PIK3R6: variants seen among roughly 807,000 people sequenced by gnomAD.
PIK3R6 encodes the protein phosphoinositide-3-kinase regulatory subunit 6.
In PIK3R6, 91 loss-of-function variants were observed where a neutral mutation model predicts 84.9. The observed-to-expected ratio is 1.07, with a 90% CI of 0.90 to 1.28. PIK3R6 has a LOEUF of 1.28. PIK3R6 is among the 50% of genes most tolerant of loss of function. The probability of loss-of-function intolerance (pLI) is 0.00; values close to 1 mark genes in which losing one functional copy is unlikely to be tolerated. For missense variants in PIK3R6, 996 were observed against 985.1 expected (o/e 1.01, Z -0.15); for synonymous variants, 416 against 411.4 (o/e 1.01, Z -0.13).
Position 8,828,249 on chromosome 17 carries a change from C to G in PIK3R6, c.1314-59G>C, listed in dbSNP as rs938464559. ...GGCGGGGCTTGGCTTCAAACAGACT[C>G]GGCTCTGCTATTTGTTATCTCTTGA... is the stretch of plus-strand genomic sequence containing the variant. On this transcript the variant is annotated intron_variant, in intron 11 of 19. Transcript: ENST00000619866. 2.1e-5 allele frequency: 32 copies of G among 1,530,072 alleles called. 1 individual carries two copies. In the East Asian group the frequency reaches 7.0e-4, roughly 33 times the overall value. 94.8% of individuals were successfully genotyped at this position (1,530,072 alleles called of 1,614,324 possible).
intron 18 of PIK3R6, among the ~76,000 whole-genome samples, chr17:8,804,364 T>C (rs993401453): frequency 1.3e-5 from 2 of 152,222 alleles, no homozygotes; most frequent in African/African-American, 4.8e-5. Flanking sequence ...TCCAGTTCTT[T>C]TCCCAGCCTG....
At chr17:8,830,609 C>T (rs1257105221) in intron 9 of PIK3R6, among the ~76,000 whole-genome samples, 1 of 152,164 alleles carries the variant, frequency 6.6e-6, no homozygotes, top group African/African-American at 2.4e-5. Flanking sequence ...CTGGATCCTG[C>T]CAATGGCCCT....
intron 1 of PIK3R6, among the ~76,000 whole-genome samples, chr17:8,850,516 A>G (rs540537476): frequency 1.8e-4 from 28 of 152,320 alleles, no homozygotes; most frequent in African/African-American, 6.5e-4. Context: ...ATAGCTAGTA[A>G]GCAAGGAATG....
At chr17:8,853,495 A>AT (rs2089035752) in intron 1 of PIK3R6, among the ~76,000 whole-genome samples, 4 of 147,496 alleles carry the variant, frequency 2.7e-5, no homozygotes, top group African/African-American at 9.9e-5. Flanking sequence ...AAAAAAAAAA[A>AT]AAAATAATAA....
chr17:8,830,050 C>T (rs1369720596), intron 9 of PIK3R6, among the ~76,000 whole-genome samples: 1 of 152,232 alleles, frequency 6.6e-6, no homozygotes, highest in Non-Finnish European at 1.5e-5. Context: ...TCTTCACAAA[C>T]CAGCTCACAA....
intron 4 of PIK3R6, 65 bp downstream of exon 4, chr17:8,838,499 C>T (rs555000465): frequency 4.1e-6 from 6 of 1,453,172 alleles, no homozygotes; most frequent in African/African-American, 2.8e-5. Context: ...AGGACTGAGC[C>T]CCTGCCCAAT....
At chr17:8,819,446 C>T (rs1007499855) in intron 17 of PIK3R6, among the ~76,000 whole-genome samples, 17 of 151,816 alleles carry the variant, frequency 1.1e-4, no homozygotes, top group African/African-American at 3.1e-4. Flanking sequence ...AACCCAAATC[C>T]GCACGCCCTA....
At chr17:8,825,995 G>A (rs143639404) in intron 13 of PIK3R6, among the ~76,000 whole-genome samples, 373 of 152,302 alleles carry the variant, frequency 2.4e-3, no homozygotes, top group African/African-American at 8.4e-3. Flanking sequence ...TGCCAGCCAC[G>A]GTTGGGGTAT....
chr17:8,858,017 C>T (rs956245916), intron 1 of PIK3R6, among the ~76,000 whole-genome samples: 1 of 152,032 alleles, frequency 6.6e-6, no homozygotes, highest in Non-Finnish European at 1.5e-5. Flanking sequence ...ACTCATCAAA[C>T]ATTTATTCAG....
chr17:8,827,068 C>A, intron 13 of PIK3R6, 104 bp downstream of exon 13: 1 of 1,351,546 alleles, frequency 7.4e-7, no homozygotes, highest in Non-Finnish European at 1.0e-6. Flanking sequence ...CCCCTCTCAC[C>A]CCCATTTCAC....
intron 2 of PIK3R6, 71 bp downstream of exon 2, chr17:8,849,711 C>G: frequency 2.0e-6 from 3 of 1,526,316 alleles, no homozygotes; most frequent in Non-Finnish European, 2.7e-6. Context: ...TAGAGGCATC[C>G]TCACCCATGA....
In PIK3R6 at chr17:8,821,854, T is replaced by C. The variant is rs1157662875; in HGVS notation, c.1871A>G (p.Asp624Gly). ...GLILKAIPAS[D>G]TEVSGSSHCP... ...CATTCCCCATTCCTCACCTTCTGTG[T>C]CGCTGGCTGGAATGGCCTTCAGGAT... Residue 624 changes from aspartate (D) to glycine (G), a missense_variant, in exon 17 of 20, where the codon GAC becomes GGC. Asp to Gly is a moderately conservative substitution (Grantham distance 94, BLOSUM62 -1). Coordinates refer to ENST00000619866, the MANE Select transcript of PIK3R6 (RefSeq NM_001010855.4). The C allele has an allele frequency of 3.1e-6, 5 of 1,594,504 alleles. No individual in the cohort carries two copies. The African/African-American group carries it at 5.4e-5, about 17-fold the overall frequency.
In PIK3R6 at chr17:8,835,295, C is replaced by T; in HGVS notation, c.623G>A (p.Gly208Asp). ...QAALGEACHAGALHRKLQASP... is the reference protein window; with the variant it reads ...QAALGEACHADALHRKLQASP... ...TACCTGCAGCTTCCTGTGCAGAGCG[C>T]CTGCGTGACAGGCCTCCCCCAGAGC... is the stretch of plus-strand genomic sequence containing the variant. The change falls in exon 8 of 20, where the codon GGC (glycine) becomes GAC (aspartate). Residue 208 changes from glycine to aspartate, a missense_variant. By Grantham distance (94) the Gly-to-Asp change is moderately conservative. Coordinates refer to ENST00000619866, the MANE Select transcript of PIK3R6 (RefSeq NM_001010855.4). 6.3e-7 allele frequency: 1 copy of T among 1,581,316 alleles called. No homozygotes were observed. The highest frequency in any genetic ancestry group is 8.6e-7 in the Non-Finnish European group (1 of 1,159,534).
At chr17:8,816,961 C>G (rs549430670) in intron 18 of PIK3R6, among the ~76,000 whole-genome samples, 7 of 152,302 alleles carry the variant, frequency 4.6e-5, no homozygotes, top group Admixed American at 6.5e-5. Flanking sequence ...GGAAATTGCT[C>G]ACACTACGCT....
intron 18 of PIK3R6, among the ~76,000 whole-genome samples, chr17:8,808,846 A>C (rs1277852491): frequency 6.6e-6 from 1 of 152,216 alleles, no homozygotes; most frequent in Non-Finnish European, 1.5e-5. Flanking sequence ...ATAGTCAGGC[A>C]TGTAGAAGAA....
chr17:8,816,179 A>G (rs898636594), intron 18 of PIK3R6, among the ~76,000 whole-genome samples: 3 of 152,246 alleles, frequency 2.0e-5, no homozygotes, highest in Admixed American at 2.0e-4. Context: ...CATAAATCAG[A>G]TTATAAAATA....
In PIK3R6 at chr17:8,829,569, CACACACAG is replaced by C. The variant is rs1427212273; in HGVS notation, c.889+129_889+136del. On this transcript the variant is annotated intron_variant, in intron 10 of 19. Transcript: ENST00000619866. ...ACAGACACACACTCATGCACACATA[CACACACAG>C]ACACACTGACACACACTCATGCATA... The C allele has an allele frequency of 1.3e-5, 12 of 894,928 alleles. No individual in the cohort carries two copies. The East Asian group carries it at 1.4e-4, about 10-fold the overall frequency. The allele number at this position is 894,928 out of a possible 1,614,324, so 55.4% of individuals were successfully genotyped here.
intron 18 of PIK3R6, among the ~76,000 whole-genome samples, chr17:8,810,177 C>T (rs776764114): frequency 2.8e-4 from 41 of 146,196 alleles, no homozygotes; most frequent in Admixed American, 4.9e-4. Flanking sequence ...AGCAAAGTCA[C>T]GTCTAACATG....
At chr17:8,829,842 T>C in intron 9 of PIK3R6, 50 bp from the exon 10 acceptor site, 3 of 1,424,090 alleles carry the variant, frequency 2.1e-6, no homozygotes, top group Non-Finnish European at 2.9e-6. Context: ...CATGGGACCC[T>C]CCTCTGCCCT....
Sources: gnomAD v4.1 joint callset for allele counts (sites outside exome capture counted in the v4.1 genomes callset) on GRCh38, gnomAD v4.1.1 for gene constraint, MANE v1.5 for transcripts, NCBI Gene and HGNC (gene_info 2026-07-23, HGNC 2026-07-21) for gene names.